Variants in XPR1 observed in about 807,000 individuals in gnomAD.
XPR1 encodes the protein xenotropic and polytropic retrovirus receptor 1.
A neutral mutation model predicts 87.5 loss-of-function variants in XPR1; 28 were observed. That is an observed-to-expected ratio of 0.32 (90% CI 0.24 to 0.44). XPR1 has a LOEUF of 0.44. Among genes scored for constraint, XPR1 ranks in the 20% least tolerant of loss-of-function variants. The pLI, the probability that XPR1 is intolerant of heterozygous loss-of-function variation, is 1.00. For missense variants in XPR1, 559 were observed against 862.3 expected (o/e 0.65, Z 4.41); for synonymous variants, 300 against 306.1 (o/e 0.98, Z 0.21).
At chr1:180,840,441 T>C (rs544891126) in intron 11 of XPR1, among the ~76,000 whole-genome samples, 56 of 151,666 alleles carry the variant, frequency 3.7e-4, no homozygotes, top group Non-Finnish European at 7.2e-4. Flanking sequence ...CAAAGTTACA[T>C]ATTTGGGGTG....
At chr1:180,683,906 G>A (rs1656674569) in intron 2 of XPR1, among the ~76,000 whole-genome samples, 1 of 151,994 alleles carries the variant, frequency 6.6e-6, no homozygotes, top group East Asian at 1.9e-4. Flanking sequence ...CTCCCATTCT[G>A]TAGGTTGCCT....
chr1:180,755,915 G>C (rs1381695735), intron 2 of XPR1, among the ~76,000 whole-genome samples: 1 of 152,204 alleles, frequency 6.6e-6, no homozygotes, highest in Non-Finnish European at 1.5e-5. Context: ...CTTGAAGAAG[G>C]TACTCAGGAG....
intron 3 of XPR1, among the ~76,000 whole-genome samples, chr1:180,800,529 T>C (rs1291935910): frequency 6.6e-6 from 1 of 152,190 alleles, no homozygotes; most frequent in African/African-American, 2.4e-5. Flanking sequence ...GCTAACACCT[T>C]GCGTTTAGCC....
intron 6 of XPR1, 121 bp downstream of exon 6, chr1:180,806,678 T>C (rs888523550): frequency 2.5e-5 from 19 of 759,670 alleles, no homozygotes; most frequent in Non-Finnish European, 3.5e-5. Context: ...TTGCTATTTT[T>C]CTTATTTTAG....
At chr1:180,704,442 C>T (rs1459983496) in intron 2 of XPR1, among the ~76,000 whole-genome samples, 1 of 151,172 alleles carries the variant, frequency 6.6e-6, no homozygotes, top group East Asian at 1.9e-4. Flanking sequence ...GTTATTCTTA[C>T]ATACAGATTG....
rs1655777026 is a variant in XPR1, at chr1:180,661,505, GT to G, written c.70-20854del. Among the ~76,000 whole-genome samples the G allele has an allele frequency of 6.6e-5, 10 of 151,540 alleles. No homozygotes were observed. In the South Asian group the frequency reaches 1.9e-3, roughly 29 times the overall value. On this transcript the variant is annotated intron_variant, in intron 1 of 14. Coordinates refer to ENST00000367590, the MANE Select transcript of XPR1 (RefSeq NM_004736.4). ...TGTGTGTGTGTGTGTGTGTGTGTGTGTGTGTGTGTGTGTGGTATGTTTTTTG... is the reference window on the plus strand; with the variant it reads ...TGTGTGTGTGTGTGTGTGTGTGTGTGGTGTGTGTGTGTGGTATGTTTTTTG...
intron 1 of XPR1, among the ~76,000 whole-genome samples, chr1:180,658,606 C>T (rs1343253752): frequency 6.6e-6 from 1 of 152,026 alleles, no homozygotes; most frequent in Non-Finnish European, 1.5e-5. Context: ...CCACTGTCTC[C>T]CAGGCTGGAG....
chr1:180,762,454 G>T (rs1160405572), intron 2 of XPR1, among the ~76,000 whole-genome samples: 1 of 152,142 alleles, frequency 6.6e-6, no homozygotes. Flanking sequence ...ATCATACATT[G>T]TAAGAGTGGA....
intron 2 of XPR1, among the ~76,000 whole-genome samples, chr1:180,727,303 A>G (rs949885799): frequency 1.3e-4 from 20 of 152,140 alleles, no homozygotes; most frequent in Non-Finnish European, 2.6e-4. Flanking sequence ...AGGTTCTTGG[A>G]TCTTGCGCAA....
intron 2 of XPR1, among the ~76,000 whole-genome samples, chr1:180,705,276 C>G (rs1657520686): frequency 6.6e-6 from 1 of 152,010 alleles, no homozygotes; most frequent in Non-Finnish European, 1.5e-5. Flanking sequence ...TTCGTGTTTC[C>G]TGATGAGAAA....
chr1:180,860,156 A>C (rs1269647611), intron 11 of XPR1, among the ~76,000 whole-genome samples: 1 of 152,116 alleles, frequency 6.6e-6, no homozygotes, highest in African/African-American at 2.4e-5. Context: ...TAATATCACA[A>C]CTAGATACTA....
chr1:180,823,268 A>G (rs141657142), intron 7 of XPR1, among the ~76,000 whole-genome samples: 17 of 152,118 alleles, frequency 1.1e-4, no homozygotes, highest in Non-Finnish European at 2.1e-4. Flanking sequence ...GTTTGTATGT[A>G]ATTAAATTCC....
At chr1:180,857,705 G>C (rs1652081424) in intron 11 of XPR1, among the ~76,000 whole-genome samples, 1 of 151,936 alleles carries the variant, frequency 6.6e-6, no homozygotes, top group African/African-American at 2.4e-5. Context: ...GCCCTTAGTA[G>C]TTCTTCAGTA....
chr1:180,877,284 T>C (rs966551709), intron 13 of XPR1, among the ~76,000 whole-genome samples: 1 of 152,222 alleles, frequency 6.6e-6, no homozygotes, highest in African/African-American at 2.4e-5. Context: ...AAATTGATTA[T>C]ATAGTTACAG....
intron 2 of XPR1, among the ~76,000 whole-genome samples, chr1:180,729,971 A>G (rs1273301821): frequency 1.3e-5 from 2 of 152,184 alleles, no homozygotes; most frequent in East Asian, 1.9e-4. Context: ...GCCGGGGTCT[A>G]TGTCCAGAAT....
intron 3 of XPR1, among the ~76,000 whole-genome samples, chr1:180,801,692 T>C (rs1649788467): frequency 6.6e-6 from 1 of 151,984 alleles, no homozygotes; most frequent in Non-Finnish European, 1.5e-5. Context: ...AAGCAAGGAA[T>C]AGGAGAATTA....
intron 7 of XPR1, among the ~76,000 whole-genome samples, chr1:180,815,216 C>A (rs988367697): frequency 6.6e-6 from 1 of 151,380 alleles, no homozygotes; most frequent in African/African-American, 2.4e-5. Context: ...TTTTTCCATT[C>A]TTTTTATGTG....
chr1:180,755,926 C>A (rs1442463923), intron 2 of XPR1, among the ~76,000 whole-genome samples: 2 of 152,212 alleles, frequency 1.3e-5, no homozygotes, highest in East Asian at 3.9e-4. Flanking sequence ...TACTCAGGAG[C>A]TCTTCCTGAT....
chr1:180,748,192 C>T (rs1319185200), intron 2 of XPR1, among the ~76,000 whole-genome samples: 1 of 152,012 alleles, frequency 6.6e-6, no homozygotes, highest in African/African-American at 2.4e-5. Context: ...TCTATGGTGT[C>T]TAGCCAGTGG....
Sources: gnomAD v4.1 joint callset for allele counts (sites outside exome capture counted in the v4.1 genomes callset) on GRCh38, gnomAD v4.1.1 for gene constraint, MANE v1.5 for transcripts, NCBI Gene and HGNC (gene_info 2026-07-23, HGNC 2026-07-21) for gene names.